The following KCTD1 variants were observed in gnomAD, a reference collection of about 807,000 sequenced individuals.
KCTD1 encodes potassium channel tetramerization domain containing 1, also known as BTB/POZ domain-containing protein KCTD1.
Under a neutral mutation model 66.0 loss-of-function variants are expected in KCTD1, and 24 were observed. The observed-to-expected ratio is 0.36, with a 90% CI of 0.26 to 0.51. The LOEUF (loss-of-function observed/expected upper bound fraction) is 0.51. Ranked by LOEUF, KCTD1 falls within the 20% of genes least tolerant of loss-of-function variation. KCTD1 has a pLI of 0.95. For missense variants in KCTD1, 943 were observed against 1,205.2 expected, an observed-to-expected ratio of 0.78 and a Z score of 3.22; for synonymous variants, 511 against 517.2, an observed-to-expected ratio of 0.99 and a Z score of 0.16.
chr18:26,550,121 C>G (rs1006950729), upstream of KCTD1, among the ~76,000 whole-genome samples: 2 of 152,226 alleles, frequency 1.3e-5, no homozygotes, highest in East Asian at 3.9e-4. The surrounding 1 kb of genome is among the most constrained non-coding windows in gnomAD (Gnocchi z 5.4). Flanking sequence ...GGAGTCAGGT[C>G]CCCAGCAGTG....
intron 1 of KCTD1, among the ~76,000 whole-genome samples, chr18:26,527,784 T>A (rs2144765849): frequency 6.6e-6 from 1 of 152,340 alleles, no homozygotes; most frequent in African/African-American, 2.4e-5. Flanking sequence ...TACATAATTT[T>A]TGTTCAATTT....
chr18:26,461,326 C>T (rs373655660), intron 3 of KCTD1, among the ~76,000 whole-genome samples: 156 of 152,280 alleles, frequency 1.0e-3, no homozygotes, highest in Non-Finnish European at 1.8e-3. Context: ...ATGCTGATGA[C>T]GACACTCATC....
At chr18:26,529,010 C>G (rs946453468) in intron 1 of KCTD1, among the ~76,000 whole-genome samples, 2 of 152,194 alleles carry the variant, frequency 1.3e-5, no homozygotes, top group African/African-American at 2.4e-5. Flanking sequence ...AGTCCTCCAG[C>G]CCACACCTTT....
intron 1 of KCTD1, among the ~76,000 whole-genome samples, chr18:26,586,021 G>T (rs1217667764): frequency 6.6e-6 from 1 of 152,168 alleles, no homozygotes; most frequent in African/African-American, 2.4e-5. Flanking sequence ...GGCCACAGAG[G>T]AAGATGCTGT....
intron 3 of KCTD1, among the ~76,000 whole-genome samples, chr18:26,470,638 G>A (rs932440603): frequency 6.6e-6 from 1 of 152,258 alleles, no homozygotes; most frequent in Non-Finnish European, 1.5e-5. Context: ...TATAGTGTAA[G>A]CCGCTGTTAA....
upstream of KCTD1, among the ~76,000 whole-genome samples, chr18:26,643,142 C>A (rs533011256): frequency 6.5e-4 from 99 of 152,236 alleles, no homozygotes; most frequent in Non-Finnish European, 1.2e-3. Flanking sequence ...TCTGGCAGGG[C>A]TCTCTCTCTG....
intron 1 of KCTD1, among the ~76,000 whole-genome samples, chr18:26,604,147 A>G (rs536724973): frequency 6.6e-6 from 1 of 152,366 alleles, no homozygotes; most frequent in African/African-American, 2.4e-5. Flanking sequence ...TGTGGCCAAC[A>G]AGTATATGAA....
intron 1 of KCTD1, among the ~76,000 whole-genome samples, chr18:26,502,497 A>G (rs1982816512): frequency 1.3e-5 from 2 of 152,200 alleles, no homozygotes; most frequent in Admixed American, 1.3e-4. Context: ...CCAGGTAGAA[A>G]CTATACTCTT....
intron 2 of KCTD1, among the ~76,000 whole-genome samples, chr18:26,486,841 A>G (rs764171501): frequency 2.6e-5 from 4 of 152,242 alleles, no homozygotes; most frequent in African/African-American, 4.8e-5. Flanking sequence ...TCTATTTTCA[A>G]TTTAACAATT....
intron 1 of KCTD1, among the ~76,000 whole-genome samples, chr18:26,656,834 C>A (rs1027784940): frequency 2.3e-4 from 30 of 131,454 alleles, no homozygotes; most frequent in African/African-American, 8.3e-4. Context: ...TCGGCGGGGC[C>A]GGTTTGCGGG....
chr18:26,562,405 T>C (rs1985880104), intron 1 of KCTD1, among the ~76,000 whole-genome samples: 2 of 142,252 alleles, frequency 1.4e-5, no homozygotes, highest in East Asian at 4.8e-4. Flanking sequence ...CTAATTTTTA[T>C]TTTTTGTGTG....
intron 1 of KCTD1, among the ~76,000 whole-genome samples, chr18:26,542,609 T>C (rs1167451192): frequency 6.6e-6 from 1 of 152,182 alleles, no homozygotes; most frequent in Non-Finnish European, 1.5e-5. Flanking sequence ...CCAAGTGGTC[T>C]CACATATAAC....
intron 1 of KCTD1, among the ~76,000 whole-genome samples, chr18:26,653,359 TTC>T (rs1747610727): frequency 6.6e-6 from 1 of 152,226 alleles, no homozygotes; most frequent in South Asian, 2.1e-4. Flanking sequence ...TTCGTCTCTG[TTC>T]TGTCTCTCTT....
chr18:26,526,095 G>A (rs1015153311), intron 1 of KCTD1, among the ~76,000 whole-genome samples: 2 of 152,080 alleles, frequency 1.3e-5, no homozygotes, highest in African/African-American at 2.4e-5. Context: ...TGTTTCTGGA[G>A]GCAGGTGGCC....
chr18:26,516,385 T>C (rs944152010), intron 1 of KCTD1, among the ~76,000 whole-genome samples: 2 of 152,038 alleles, frequency 1.3e-5, no homozygotes, highest in Non-Finnish European at 2.9e-5. Flanking sequence ...ATGAGAGAAG[T>C]TTGGAAGAAA....
At chr18:26,630,497 G>A (rs1308606314), upstream of KCTD1, among the ~76,000 whole-genome samples, 2 of 152,006 alleles carry the variant, frequency 1.3e-5, no homozygotes, top group African/African-American at 4.8e-5. Flanking sequence ...AGAATATTTT[G>A]TAGAAACAGG....
intron 1 of KCTD1, among the ~76,000 whole-genome samples, chr18:26,516,263 A>G (rs1261719994): frequency 6.6e-6 from 1 of 152,120 alleles, no homozygotes; most frequent in Non-Finnish European, 1.5e-5. Context: ...TTTCTTGACC[A>G]CCTGTTTACA....
exon 1 of KCTD1, chr18:26,640,328 G>T (rs940167925): frequency 6.6e-6 from 1 of 152,214 alleles, no homozygotes; most frequent in African/African-American, 2.4e-5. Flanking sequence ...CCCAGCTACT[G>T]GTGAGGCAGG....
intron 1 of KCTD1, among the ~76,000 whole-genome samples, chr18:26,556,219 A>C (rs1420726429): frequency 6.6e-6 from 1 of 152,168 alleles, no homozygotes; most frequent in Non-Finnish European, 1.5e-5. Context: ...CAGGCTTTGC[A>C]CCTGATGGAA....
Sources: allele counts gnomAD v4.1 joint callset (sites outside exome capture counted in the v4.1 genomes callset), GRCh38; gene constraint gnomAD v4.1.1; non-coding constraint Gnocchi (gnomAD v3.1); transcripts MANE v1.5; gene names NCBI Gene and HGNC (gene_info 2026-07-23, HGNC 2026-07-21).